Variants in DIP2B observed in about 807,000 individuals in gnomAD.
The protein encoded by DIP2B is disco-interacting protein 2 homolog B.
In DIP2B, 76 loss-of-function variants were observed where a neutral mutation model predicts 198.0. That is an observed-to-expected ratio of 0.38 (90% CI 0.32 to 0.46). DIP2B has a LOEUF of 0.46. Among genes scored for constraint, DIP2B ranks in the 20% least tolerant of loss-of-function variants. The pLI is 0.99. For missense variants in DIP2B, 1,559 were observed against 1,978.4 expected, an observed-to-expected ratio of 0.79 and a Z score of 4.02; for synonymous variants, 701 against 739.1, an observed-to-expected ratio of 0.95 and a Z score of 0.84.
At chr12:50,676,081 A>C (rs1938940497) in intron 7 of DIP2B, among the ~76,000 whole-genome samples, 1 of 152,214 alleles carries the variant, frequency 6.6e-6, no homozygotes, top group African/African-American at 2.4e-5. Flanking sequence ...GAGGAAGTGT[A>C]ACAGTGATTT....
chr12:50,593,731 CTCT>C (rs1565837070), intron 1 of DIP2B, among the ~76,000 whole-genome samples: 1 of 4,648 alleles, frequency 2.2e-4, no homozygotes, highest in Non-Finnish European at 3.3e-4. Context: ...CTCTCCTCTC[CTCT>C]CCTCTCCTCT....
rs1173694996 is a variant in DIP2B at position 50,708,572 on chromosome 12, C to G, written c.2649+10C>G. On this transcript the variant is annotated intron_variant, in intron 22 of 37. Transcript: ENST00000301180. ...GAGCCGCGTGCTGCAGGTGAGCACA[C>G]TTTGGGGTCTGTGTCAGGTCAGCGG... The G allele has an allele frequency of 1.9e-6, 3 of 1,575,122 alleles. No homozygotes were observed. The Admixed American group carries it at 5.6e-5, about 29-fold the overall frequency.
chr12:50,671,139 C>T (rs763802073), intron 4 of DIP2B, 47 bp from the exon 5 acceptor site: 2 of 1,575,248 alleles, frequency 1.3e-6, no homozygotes, highest in Non-Finnish European at 1.7e-6. Context: ...TGAAAAGTCT[C>T]TGTTCTAGGT....
chr12:50,508,374 G>A (rs915486070), intron 1 of DIP2B, among the ~76,000 whole-genome samples: 8 of 152,198 alleles, frequency 5.3e-5, no homozygotes, highest in Admixed American at 5.2e-4. Context: ...CTAGTCAAGT[G>A]TATGTACATA....
At chr12:50,743,922 T>G (rs1445717326) in intron 37 of DIP2B, among the ~76,000 whole-genome samples, 1 of 152,228 alleles carries the variant, frequency 6.6e-6, no homozygotes, top group Non-Finnish European at 1.5e-5. Context: ...TTCGCCTCCC[T>G]GAAGAGGGAT....
intron 1 of DIP2B, among the ~76,000 whole-genome samples, chr12:50,572,071 G>A (rs919147351): frequency 6.6e-6 from 1 of 152,038 alleles, no homozygotes; most frequent in Non-Finnish European, 1.5e-5. Context: ...CTTTGCTTAG[G>A]TTGTTCTTTG....
intron 1 of DIP2B, among the ~76,000 whole-genome samples, chr12:50,565,638 C>T (rs1051789395): frequency 6.6e-6 from 1 of 152,174 alleles, no homozygotes; most frequent in East Asian, 1.9e-4. Flanking sequence ...ATGTTTGTTA[C>T]GTCAATGCCA....
In DIP2B at chr12:50,699,136, T is replaced by C. The variant is rs148495455; in HGVS notation, c.2259T>C (p.Cys753=). 1,296 of 1,614,178 alleles carry C rather than the reference T, an allele frequency of 8.0e-4. 23 individuals carry two copies. In the South Asian group the frequency reaches 0.013, roughly 17 times the overall value. Residue 753 remains cysteine, a synonymous_variant, in exon 19 of 38, where the codon TGT becomes TGC. Coordinates refer to ENST00000301180, the MANE Select transcript of DIP2B (RefSeq NM_173602.3). ...AAACAGATGAAATTGGAGAAATCTG[T>C]GTTAGCTCCAGAACTGGAGGCATGA... ...LCKTDEIGEI[C]VSSRTGGMMY... is the part of the protein sequence containing the mutation.
intron 23 of DIP2B, among the ~76,000 whole-genome samples, chr12:50,716,042 AG>A (rs1939708470): frequency 6.6e-6 from 1 of 152,240 alleles, no homozygotes; most frequent in Non-Finnish European, 1.5e-5. Context: ...AAGAACATCC[AG>A]GAACTGCTGC....
chr12:50,628,927 G>A (rs1937988820), intron 2 of DIP2B, among the ~76,000 whole-genome samples: 1 of 152,122 alleles, frequency 6.6e-6, no homozygotes, highest in South Asian at 2.1e-4. Context: ...CGCCCAGGCT[G>A]GAGTGCAGTG....
chr12:50,569,226 G>T (rs1226288035), intron 1 of DIP2B, among the ~76,000 whole-genome samples: 2 of 152,048 alleles, frequency 1.3e-5, no homozygotes, highest in Non-Finnish European at 2.9e-5. Flanking sequence ...TGTGGAAGCA[G>T]AGAACTATCT....
At chr12:50,733,831 T>C (rs1000704414) in intron 32 of DIP2B, among the ~76,000 whole-genome samples, 2 of 152,250 alleles carry the variant, frequency 1.3e-5, no homozygotes, top group Non-Finnish European at 2.9e-5. Context: ...TGGTTTAAAC[T>C]TGAGCCCCAT....
Position 50,739,391 on chromosome 12 carries a change from A to G in DIP2B, c.4177-18A>G, listed in dbSNP as rs1365063254. On this transcript the variant is annotated intron_variant, in intron 35 of 37. Coordinates refer to ENST00000301180, the MANE Select transcript of DIP2B (RefSeq NM_173602.3). ...TGTGTGTCCCCAGTGAGTTGTGATC[A>G]AAGCACTTTTCTTGTAGATTTGGGT... The G allele has an allele frequency of 1.9e-6, 3 of 1,598,704 alleles. No homozygotes were observed. The highest frequency in any genetic ancestry group is 1.3e-5 in the African/African-American group (1 of 74,822).
chr12:50,615,810 A>G (rs545156643), intron 1 of DIP2B, among the ~76,000 whole-genome samples: 1 of 152,328 alleles, frequency 6.6e-6, no homozygotes, highest in Admixed American at 6.5e-5. Flanking sequence ...CTTGTCAAGA[A>G]GCAAGTAAAA....
At position 50,712,552 on chromosome 12, in the gene DIP2B, C is replaced by G. The variant is rs191303472; in HGVS notation, c.2650-1843C>G. ...CCGGGAGGTGGAGGTTGTGGTGACC[C>G]GAGATTGCGCCACTGCACTTCAGCC... On this transcript the variant is annotated intron_variant, in intron 22 of 37. Transcript: ENST00000301180. 1.3e-3 allele frequency among the ~76,000 whole-genome samples: 192 copies of G among 149,440 alleles called. 1 individual carries two copies. The highest frequency in any genetic ancestry group is 9.9e-3 in the South Asian group (46 of 4,664).
Position 50,728,589 on chromosome 12 carries a change from G to A in DIP2B, c.3552G>A (p.Lys1184=), listed in dbSNP as rs1939980250. Residue 1184 remains lysine (K), a synonymous_variant, in exon 30 of 38, where the codon AAG becomes AAA. Transcript: ENST00000301180. ...SAVNALCRAI[K]LQCELYSSRQ... ...TGAACGCTCTGTGTCGAGCCATCAA[G>A]CTCCAGTGTGAGTTGTACTCTTCTC... 1.9e-6 allele frequency: 3 copies of A among 1,614,038 alleles called. No homozygotes were observed.
intron 1 of DIP2B, among the ~76,000 whole-genome samples, chr12:50,508,292 C>T (rs1326597857): frequency 6.6e-6 from 1 of 152,188 alleles, no homozygotes; most frequent in African/African-American, 2.4e-5. Context: ...ATTTCTGTGA[C>T]TGAAATTTTT....
intron 23 of DIP2B, among the ~76,000 whole-genome samples, chr12:50,717,650 A>G (rs2139581686): frequency 6.6e-6 from 1 of 151,934 alleles, no homozygotes; most frequent in African/African-American, 2.4e-5. Flanking sequence ...TATAGGCGTG[A>G]GCCACCACGC....
intron 22 of DIP2B, 76 bp downstream of exon 22, chr12:50,708,638 A>G (rs1939558383): frequency 3.4e-6 from 4 of 1,189,284 alleles, no homozygotes; most frequent in Non-Finnish European, 3.7e-6. Flanking sequence ...TTCTTCGATC[A>G]GCCAGTAATG....
Sources: gnomAD v4.1 joint callset for allele counts (sites outside exome capture counted in the v4.1 genomes callset) on GRCh38, gnomAD v4.1.1 for gene constraint, MANE v1.5 for transcripts, NCBI Gene and HGNC (gene_info 2026-07-23, HGNC 2026-07-21) for gene names.